ENAH: variants seen among roughly 807,000 people sequenced by gnomAD.
The protein encoded by ENAH is ENAH actin regulator.
In ENAH, 23 loss-of-function variants were observed where a neutral mutation model predicts 78.7. The ratio of observed to expected loss-of-function variants is 0.29; its 90% confidence interval spans 0.21 to 0.41. The LOEUF (loss-of-function observed/expected upper bound fraction) is 0.41, where lower values mean the gene tolerates loss of function less well. Ranked by LOEUF, ENAH falls within the 10% of genes least tolerant of loss-of-function variation. The pLI, the probability that ENAH is intolerant of heterozygous loss-of-function variation, is 1.00. For missense variants in ENAH, 544 were observed against 691.0 expected, an observed-to-expected ratio of 0.79 and a Z score of 2.39; for synonymous variants, 226 against 241.0, an observed-to-expected ratio of 0.94 and a Z score of 0.58.
chr1:225,490,507 G>C lies in ENAH; in HGVS notation c.*7268C>G, dbSNP rs1342401526. 6.6e-6 allele frequency: 1 copy of C among 152,088 alleles called. No homozygotes were observed. Among genetic ancestry groups the C allele is most frequent in the Non-Finnish European group, 1.5e-5 (1 of 68,022 alleles). The allele number at this position is 152,088 out of a possible 1,614,324, so 9.4% of individuals were successfully genotyped here. A position where few individuals can be genotyped will look rare whatever the true frequency, so the allele number is the denominator to read the frequency against. On this transcript the variant is annotated 3_prime_UTR_variant, in exon 14 of 14. Coordinates refer to ENST00000366843, the MANE Select transcript of ENAH (RefSeq NM_018212.6). ...AAAATCCCTTTGAACCCAGGGGGGG[G>C]AAGTTGCAGTGAGCCGAGATCGCAC...
chr1:225,530,901 C>T (rs1379636312), intron 3 of ENAH: 1 of 418,026 alleles, frequency 2.4e-6, no homozygotes, highest in Admixed American at 4.1e-5. Context: ...ATATGAAGAG[C>T]TTGAGTAAAA....
intron 1 of ENAH, among the ~76,000 whole-genome samples, chr1:225,607,384 G>A (rs1013628992): frequency 2.6e-5 from 4 of 152,054 alleles, no homozygotes; most frequent in Non-Finnish European, 5.9e-5. Context: ...TTTGAAAGCC[G>A]AAAAGCAGAT....
chr1:225,536,153 C>T (rs905603319), intron 3 of ENAH, among the ~76,000 whole-genome samples: 1 of 152,012 alleles, frequency 6.6e-6, no homozygotes, highest in African/African-American at 2.4e-5. Context: ...CCACATGTTA[C>T]TATTTTTTTT....
At chr1:225,569,931 C>A (rs1575565493) in intron 1 of ENAH, among the ~76,000 whole-genome samples, 1 of 152,162 alleles carries the variant, frequency 6.6e-6, no homozygotes, top group Non-Finnish European at 1.5e-5. Context: ...ACTGGTGGGG[C>A]GCAGTGGCTC....
At chr1:225,589,843 T>C (rs1192032740) in intron 1 of ENAH, among the ~76,000 whole-genome samples, 1 of 152,136 alleles carries the variant, frequency 6.6e-6, no homozygotes, top group Non-Finnish European at 1.5e-5. Flanking sequence ...AAATTTTTCA[T>C]AATAAAATGT....
rs552358555 is a variant in ENAH, at chr1:225,522,210, T to C, written c.435-2645A>G. On this transcript the variant is annotated intron_variant, in intron 4 of 13. Transcript: ENST00000366843. Reference sequence around the variant, plus strand: ...ACAGCACATGCATGCTATCCCTTTGTTCCTTCCAGCGGTACCAACACACCA... The same window carrying C: ...ACAGCACATGCATGCTATCCCTTTGCTCCTTCCAGCGGTACCAACACACCA... Among the ~76,000 whole-genome samples, 7 of 152,330 alleles carry C rather than the reference T, an allele frequency of 4.6e-5. No homozygotes were observed. In the East Asian group the frequency reaches 1.3e-3, roughly 29 times the overall value.
chr1:225,614,951 C>A (rs1412233756), intron 1 of ENAH, among the ~76,000 whole-genome samples: 2 of 152,142 alleles, frequency 1.3e-5, no homozygotes, highest in African/African-American at 4.8e-5. Flanking sequence ...TCTCCATACA[C>A]AAATCCTTAA....
chr1:225,505,985 AAAAAAAAATCTTTTTTT>A (rs930828571), intron 11 of ENAH, among the ~76,000 whole-genome samples: 3 of 150,952 alleles, frequency 2.0e-5, no homozygotes, highest in African/African-American at 7.3e-5. Context: ...TCCAAGTCTG[AAAAAAAAATCTTTTTTT>A]CCCTACCCTG....
At chr1:225,608,617 A>C (rs770147874) in intron 1 of ENAH, among the ~76,000 whole-genome samples, 116 of 151,866 alleles carry the variant, frequency 7.6e-4, no homozygotes, top group Non-Finnish European at 1.5e-3. Flanking sequence ...GGAGCTCGAG[A>C]CCAGCCTCAT....
chr1:225,554,846 T>G, intron 3 of ENAH, 60 bp downstream of exon 3: 1 of 1,364,296 alleles, frequency 7.3e-7, no homozygotes, highest in Non-Finnish European at 9.8e-7. Flanking sequence ...AAGTAAATCT[T>G]CAGTTTTGCT....
intron 12 of ENAH, among the ~76,000 whole-genome samples, chr1:225,500,323 T>C (rs1169918749): frequency 6.6e-6 from 1 of 152,228 alleles, no homozygotes; most frequent in Non-Finnish European, 1.5e-5. Flanking sequence ...ATAAGGCATA[T>C]GAATCCAAAC....
chr1:225,566,939 C>T (rs2096737779), intron 2 of ENAH, among the ~76,000 whole-genome samples: 1 of 152,222 alleles, frequency 6.6e-6, no homozygotes, highest in African/African-American at 2.4e-5. Context: ...CAATCTGCCA[C>T]TTAAGTAGAG....
At chr1:225,535,873 T>C (rs1169226034) in intron 3 of ENAH, among the ~76,000 whole-genome samples, 1 of 152,118 alleles carries the variant, frequency 6.6e-6, no homozygotes, top group Admixed American at 6.5e-5. Flanking sequence ...TTTAGGGTTA[T>C]ATATTTTTAA....
At chr1:225,548,660 T>A (rs968681505) in intron 3 of ENAH, among the ~76,000 whole-genome samples, 2 of 152,200 alleles carry the variant, frequency 1.3e-5, no homozygotes, top group African/African-American at 4.8e-5. Flanking sequence ...CAGCTCTCCA[T>A]GTCAACCTTT....
intron 1 of ENAH, among the ~76,000 whole-genome samples, chr1:225,642,636 C>T (rs745818623): frequency 5.9e-5 from 9 of 152,150 alleles, no homozygotes; most frequent in Admixed American, 4.6e-4. Flanking sequence ...TACCACTGCA[C>T]TCCAGCCCGG....
At chr1:225,512,741 A>T (rs2096387186) in intron 8 of ENAH, 27 bp from the exon 9 acceptor site, 6 of 1,612,358 alleles carry the variant, frequency 3.7e-6, no homozygotes, top group South Asian at 1.1e-5. Context: ...TCCGATTTTT[A>T]AAAATATTAT....
intron 2 of ENAH, among the ~76,000 whole-genome samples, chr1:225,561,296 C>T (rs1575533956): frequency 6.6e-6 from 1 of 151,824 alleles, no homozygotes; most frequent in Non-Finnish European, 1.5e-5. Flanking sequence ...TGAGGATAGA[C>T]AGTACTGCAA....
At chr1:225,615,866 T>C (rs907945313) in intron 1 of ENAH, among the ~76,000 whole-genome samples, 2 of 148,556 alleles carry the variant, frequency 1.3e-5, no homozygotes, top group Non-Finnish European at 1.5e-5. Context: ...ATGATGACGA[T>C]GGCGGTTTTG....
At chr1:225,627,814 A>C (rs947298169) in intron 1 of ENAH, among the ~76,000 whole-genome samples, 2 of 152,190 alleles carry the variant, frequency 1.3e-5, no homozygotes, top group Non-Finnish European at 2.9e-5. Context: ...AGACACACCA[A>C]GCCCAGTGGT....
Sources: allele counts gnomAD v4.1 joint callset (sites outside exome capture counted in the v4.1 genomes callset), GRCh38; gene constraint gnomAD v4.1.1; transcripts MANE v1.5; gene names NCBI Gene and HGNC (gene_info 2026-07-23, HGNC 2026-07-21).